CNTN5: variants seen among roughly 807,000 people sequenced by gnomAD.
CNTN5 encodes the protein contactin-5.
A neutral mutation model predicts 129.1 loss-of-function variants in CNTN5; 77 were observed. The ratio of observed to expected loss-of-function variants is 0.60; its 90% confidence interval spans 0.50 to 0.72. The LOEUF is 0.72. Among genes scored for constraint, CNTN5 ranks in the 30% least tolerant of loss-of-function variants. The pLI is 0.00. For synonymous variants in CNTN5, 509 were observed against 465.6 expected, an observed-to-expected ratio of 1.09 and a Z score of -1.20; for missense variants, 1,478 against 1,328.8, an observed-to-expected ratio of 1.11 and a Z score of -1.75.
At chr11:100,249,713 C>A (rs1949923678) in intron 16 of CNTN5, among the ~76,000 whole-genome samples, 1 of 151,956 alleles carries the variant, frequency 6.6e-6, no homozygotes, top group Non-Finnish European at 1.5e-5. Flanking sequence ...GCTGAAAAAG[C>A]CTTTTAGGAG....
intron 20 of CNTN5, among the ~76,000 whole-genome samples, chr11:100,300,452 T>C (rs1318327024): frequency 6.6e-6 from 1 of 151,504 alleles, no homozygotes; most frequent in Non-Finnish European, 1.5e-5. Flanking sequence ...ACTTTCCCCA[T>C]ACCAATAAGT....
chr11:100,213,898 T>C (rs1591399285), intron 15 of CNTN5, among the ~76,000 whole-genome samples: 2 of 152,172 alleles, frequency 1.3e-5, no homozygotes, highest in Admixed American at 6.5e-5. Context: ...AGTCAGGTAT[T>C]TTTTCATTCA....
chr11:100,153,453 A>G (rs1185501601), intron 13 of CNTN5, among the ~76,000 whole-genome samples: 1 of 152,094 alleles, frequency 6.6e-6, no homozygotes, highest in Non-Finnish European at 1.5e-5. Context: ...AAAAACGCTT[A>G]TTATGTTCTT....
intron 1 of CNTN5, among the ~76,000 whole-genome samples, chr11:99,062,118 AAAAAACCCAAGAC>A (rs1287376648): frequency 6.6e-6 from 1 of 152,154 alleles, no homozygotes; most frequent in African/African-American, 2.4e-5. Context: ...AAGATGAAGA[AAAAAACCCAAGAC>A]AATTTTGAAG....
chr11:100,104,439 T>C (rs559420099), intron 13 of CNTN5, among the ~76,000 whole-genome samples: 2 of 152,004 alleles, frequency 1.3e-5, no homozygotes, highest in East Asian at 1.9e-4. Flanking sequence ...TTAGGTACTA[T>C]AAGCAGCAAG....
At chr11:100,211,926 C>A (rs905857687) in intron 15 of CNTN5, among the ~76,000 whole-genome samples, 9 of 152,094 alleles carry the variant, frequency 5.9e-5, no homozygotes, top group African/African-American at 1.9e-4. Context: ...TCCCTTCAAG[C>A]ACATATAGAC....
At chr11:99,240,867 CA>C (rs1286466205) in intron 1 of CNTN5, among the ~76,000 whole-genome samples, 4 of 152,078 alleles carry the variant, frequency 2.6e-5, no homozygotes, top group African/African-American at 4.8e-5. Context: ...CCCGTAAAAC[CA>C]AACACACAGA....
intron 13 of CNTN5, among the ~76,000 whole-genome samples, chr11:100,122,545 A>C (rs2138170305): frequency 6.6e-6 from 1 of 152,204 alleles, no homozygotes; most frequent in South Asian, 2.1e-4. Context: ...CAATCAAAGA[A>C]GTCCAATCTG....
intron 1 of CNTN5, among the ~76,000 whole-genome samples, chr11:99,204,337 T>C (rs1048066463): frequency 2.0e-5 from 3 of 152,172 alleles, no homozygotes; most frequent in Non-Finnish European, 4.4e-5. Context: ...ATTAATATAG[T>C]GTATTGCTCT....
intron 1 of CNTN5, among the ~76,000 whole-genome samples, chr11:99,057,403 C>T (rs138065438): frequency 2.6e-5 from 4 of 151,978 alleles, no homozygotes; most frequent in African/African-American, 7.2e-5. Flanking sequence ...GGATGGGAAG[C>T]GTCTGATTCT....
At chr11:99,079,401 T>A (rs1865705007) in intron 1 of CNTN5, among the ~76,000 whole-genome samples, 1 of 152,054 alleles carries the variant, frequency 6.6e-6, no homozygotes, top group Non-Finnish European at 1.5e-5. Context: ...TTAGATGCTA[T>A]GGTTAGAAAA....
At chr11:99,934,920 A>G (rs749989415) in intron 7 of CNTN5, among the ~76,000 whole-genome samples, 30,136 of 55,586 alleles carry the variant, frequency 0.54, 5,331 homozygotes, top group South Asian at 0.61. Flanking sequence ...ATATATATAT[A>G]TATATATATA....
intron 21 of CNTN5, among the ~76,000 whole-genome samples, chr11:100,322,809 C>A (rs898475841): frequency 4.0e-5 from 6 of 151,782 alleles, no homozygotes; most frequent in Non-Finnish European, 8.8e-5. Context: ...TTAACTTATC[C>A]TGTATTTAAT....
chr11:99,207,201 T>G (rs1841615), intron 1 of CNTN5, among the ~76,000 whole-genome samples: 98,727 of 151,926 alleles, frequency 0.65, 32,305 homozygotes, highest in Middle Eastern at 0.74. Flanking sequence ...AATGTGAATT[T>G]AATAATGTTA....
intron 3 of CNTN5, among the ~76,000 whole-genome samples, chr11:99,699,534 A>G (rs1167010724): frequency 1.3e-5 from 2 of 151,494 alleles, no homozygotes; most frequent in African/African-American, 4.8e-5. Context: ...TGAATAAACA[A>G]TACTCTGATT....
At position 100,047,308 on chromosome 11, in the gene CNTN5, A is replaced by T. The variant is rs1942733768; in HGVS notation, c.981-13904A>T. Among the ~76,000 whole-genome samples the T allele has an allele frequency of 1.3e-5, 2 of 152,124 alleles. 1 individual carries two copies. Among genetic ancestry groups the T allele is most frequent in the South Asian group, 4.1e-4 (2 of 4,834 alleles). The stretch of plus-strand genomic sequence containing the variant: ...GAAAAAAAGACCAGGTCACAGGGGT[A>T]GGGTTAATCTAGTTCTAAAATAAAG... On this transcript the variant is annotated intron_variant, in intron 9 of 24. Transcript: ENST00000524871.
chr11:99,657,696 A>T (rs1340607901), intron 3 of CNTN5, among the ~76,000 whole-genome samples: 1 of 152,152 alleles, frequency 6.6e-6, no homozygotes. Context: ...GCTGTCAATT[A>T]TGACGTATTA....
chr11:99,227,953 A>T (rs944381513), intron 1 of CNTN5, among the ~76,000 whole-genome samples: 1 of 152,164 alleles, frequency 6.6e-6, no homozygotes, highest in African/African-American at 2.4e-5. Context: ...TACAAAGTGG[A>T]TATTTTCCCA....
Position 100,128,949 on chromosome 11 carries a change from C to T in CNTN5, c.1580+54655C>T, listed in dbSNP as rs142267537. ...CATGCATTAGTGTTCTGCAATTATA[C>T]ATTATATCACTCGCTACTATTTCAG... is the stretch of plus-strand genomic sequence containing the variant. On this transcript the variant is annotated intron_variant, in intron 13 of 24. Transcript: ENST00000524871. 2.6e-5 allele frequency among the ~76,000 whole-genome samples: 4 copies of T among 152,192 alleles called. No individual in the cohort carries two copies. The East Asian group carries it at 5.8e-4, about 22-fold the overall frequency.
Sources: gnomAD v4.1 joint callset for allele counts (sites outside exome capture counted in the v4.1 genomes callset) on GRCh38, gnomAD v4.1.1 for gene constraint, MANE v1.5 for transcripts, NCBI Gene and HGNC (gene_info 2026-07-23, HGNC 2026-07-21) for gene names.